Variants in GSK3B observed in about 807,000 individuals in gnomAD.
GSK3B encodes the protein glycogen synthase kinase 3 beta.
A neutral mutation model predicts 56.4 loss-of-function variants in GSK3B; 15 were observed. The ratio of observed to expected loss-of-function variants is 0.27; its 90% confidence interval spans 0.18 to 0.41. The LOEUF (loss-of-function observed/expected upper bound fraction) is 0.41, where lower values mean the gene tolerates loss of function less well. Among genes scored for constraint, GSK3B ranks in the 10% least tolerant of loss-of-function variants. GSK3B has a pLI of 1.00. For synonymous variants in GSK3B, 181 were observed against 188.9 expected (o/e 0.96, Z 0.34); for missense variants, 300 against 513.4 (o/e 0.58, Z 4.02).
At chr3:119,992,014 A>T (rs1230051429) in intron 2 of GSK3B, among the ~76,000 whole-genome samples, 1 of 152,128 alleles carries the variant, frequency 6.6e-6, no homozygotes, top group African/African-American at 2.4e-5. Flanking sequence ...CCTGGCTAAG[A>T]TAATTCAAGC....
chr3:120,025,091 G>A (rs2057911844), intron 1 of GSK3B, among the ~76,000 whole-genome samples: 1 of 152,150 alleles, frequency 6.6e-6, no homozygotes, highest in Non-Finnish European at 1.5e-5. Flanking sequence ...AGGTGTGGTG[G>A]CTCATGTCTG....
At chr3:119,842,475 T>C (rs766395227) in intron 10 of GSK3B, among the ~76,000 whole-genome samples, 1 of 152,184 alleles carries the variant, frequency 6.6e-6, no homozygotes, top group Non-Finnish European at 1.5e-5. Context: ...GCCTCTCTAG[T>C]ATACTACTGC....
intron 7 of GSK3B, among the ~76,000 whole-genome samples, chr3:119,882,781 A>G (rs994345874): frequency 6.6e-6 from 1 of 152,152 alleles, no homozygotes; most frequent in Non-Finnish European, 1.5e-5. Flanking sequence ...AGATTAATAC[A>G]CTTTTACCAT....
At chr3:120,035,190 C>T (rs1325805792) in intron 1 of GSK3B, among the ~76,000 whole-genome samples, 1 of 152,058 alleles carries the variant, frequency 6.6e-6, no homozygotes, top group East Asian at 1.9e-4. Flanking sequence ...CACAAACATA[C>T]ACAGAGAGCA....
intron 2 of GSK3B, among the ~76,000 whole-genome samples, chr3:119,982,788 A>C (rs1192039320): frequency 2.6e-5 from 4 of 152,220 alleles, no homozygotes; most frequent in African/African-American, 9.6e-5. Context: ...ACTCTGCAGG[A>C]TATTATCCAG....
intron 5 of GSK3B, among the ~76,000 whole-genome samples, chr3:119,913,991 A>G (rs2056759238): frequency 6.6e-6 from 1 of 152,084 alleles, no homozygotes; most frequent in Non-Finnish European, 1.5e-5. Context: ...ATAGATGCTA[A>G]TTATGTTCAG....
chr3:120,061,784 G>A (rs1008229729), intron 1 of GSK3B, among the ~76,000 whole-genome samples: 2 of 152,150 alleles, frequency 1.3e-5, no homozygotes, highest in African/African-American at 4.8e-5. Context: ...CCAGGCTGGA[G>A]TGCAATGGTG....
At chr3:119,931,620 C>T (rs1047791340) in intron 3 of GSK3B, among the ~76,000 whole-genome samples, 3 of 151,310 alleles carry the variant, frequency 2.0e-5, no homozygotes, top group Non-Finnish European at 4.4e-5. Context: ...CTCAAAAAAA[C>T]AAAACAAAAC....
chr3:120,086,255 C>G (rs564807179), intron 1 of GSK3B, among the ~76,000 whole-genome samples: 3 of 151,562 alleles, frequency 2.0e-5, no homozygotes, highest in Non-Finnish European at 4.4e-5. Flanking sequence ...AACTCTGCTG[C>G]TGAGTTAATA....
chr3:120,025,357 CA>C lies in GSK3B; in HGVS notation c.89-23119del, dbSNP rs2057913939. On this transcript the variant is annotated intron_variant, in intron 1 of 10. Transcript: ENST00000264235. ...ACAACAGTTCTCAGTTTGTTCTTAG[CA>C]GAACAAAACATCAGAGATCTAATAA... Among the ~76,000 whole-genome samples the C allele has an allele frequency of 2.0e-5, 3 of 151,768 alleles. No homozygotes were observed. In the South Asian group the frequency reaches 6.3e-4, roughly 32 times the overall value.
intron 1 of GSK3B, among the ~76,000 whole-genome samples, chr3:120,083,481 A>C (rs891581888): frequency 5.9e-5 from 9 of 152,278 alleles, no homozygotes; most frequent in African/African-American, 2.2e-4. Context: ...GGAAGAATTG[A>C]GATTATAATT....
intron 7 of GSK3B, among the ~76,000 whole-genome samples, chr3:119,883,596 A>G (rs2056402384): frequency 6.6e-6 from 1 of 152,098 alleles, no homozygotes; most frequent in South Asian, 2.1e-4. Context: ...CCACAAACAA[A>G]AGTTTATTTA....
Position 119,823,215 on chromosome 3 carries a change from C to CA in GSK3B, c.*3572dup. 4.4e-6 allele frequency: 1 copy of CA among 226,334 alleles called. No homozygotes were observed. The highest frequency in any genetic ancestry group is 8.8e-6 in the Non-Finnish European group (1 of 113,606). 14.0% of individuals were successfully genotyped at this position (226,334 alleles called of 1,614,324 possible). A position where few individuals can be genotyped will look rare whatever the true frequency, so the allele number is the denominator to read the frequency against. The stretch of plus-strand genomic sequence containing the variant: ...GAGGCAAAACATTCTATTTTTCTTT[C>CA]AAAAAAGGCCTTCGTGTTGGGCACA... On this transcript the variant is annotated 3_prime_UTR_variant, in exon 11 of 11. Coordinates refer to ENST00000264235, the MANE Select transcript of GSK3B (RefSeq NM_001146156.2).
intron 2 of GSK3B, among the ~76,000 whole-genome samples, chr3:119,949,399 G>A (rs1365932950): frequency 1.3e-5 from 2 of 152,200 alleles, no homozygotes; most frequent in Admixed American, 1.3e-4. Context: ...TAAGAACCAT[G>A]TGAAGATCTG....
rs140556617 is a variant in GSK3B, at chr3:119,824,387, C to A, written c.*2401G>T. On this transcript the variant is annotated 3_prime_UTR_variant, in exon 11 of 11. Transcript: ENST00000264235. ...CACACACAATGAAATGAGAGAAAAG[C>A]GTGACTTTTCTCTCTTCTTTTACCC... 1 of 220,194 alleles carries A rather than the reference C, an allele frequency of 4.5e-6. No individual in the cohort carries two copies. Among genetic ancestry groups the A allele is most frequent in the Non-Finnish European group, 9.1e-6 (1 of 109,796 alleles). 13.6% of individuals were successfully genotyped at this position (220,194 alleles called of 1,614,324 possible).
intron 1 of GSK3B, among the ~76,000 whole-genome samples, chr3:120,004,028 G>A (rs190995269): frequency 2.6e-5 from 4 of 152,300 alleles, no homozygotes; most frequent in East Asian, 1.9e-4. Context: ...CTGGAGGAGC[G>A]ATACACTCCT....
At chr3:119,975,680 A>G (rs987893411) in intron 2 of GSK3B, among the ~76,000 whole-genome samples, 2 of 152,216 alleles carry the variant, frequency 1.3e-5, no homozygotes. Flanking sequence ...CTCTAATAGT[A>G]GATACATGTC....
At chr3:120,058,213 G>A (rs1007922276) in intron 1 of GSK3B, among the ~76,000 whole-genome samples, 4 of 151,936 alleles carry the variant, frequency 2.6e-5, no homozygotes, top group African/African-American at 9.7e-5. Flanking sequence ...AACTTCCTTT[G>A]AGAAGCATCA....
intron 1 of GSK3B, among the ~76,000 whole-genome samples, chr3:120,082,310 C>G (rs1196109271): frequency 6.6e-6 from 1 of 150,938 alleles, no homozygotes; most frequent in Non-Finnish European, 1.5e-5. Flanking sequence ...TAAGCCTGCA[C>G]TGTCCAATAC....
Sources: allele counts gnomAD v4.1 joint callset (sites outside exome capture counted in the v4.1 genomes callset), GRCh38; gene constraint gnomAD v4.1.1; transcripts MANE v1.5; gene names NCBI Gene and HGNC (gene_info 2026-07-23, HGNC 2026-07-21).